FRMD4B: variants seen among roughly 807,000 people sequenced by gnomAD.
The protein encoded by FRMD4B is FERM domain-containing protein 4B.
A neutral mutation model predicts 141.5 loss-of-function variants in FRMD4B; 74 were observed. The ratio of observed to expected loss-of-function variants is 0.52; its 90% CI spans 0.43 to 0.63. The LOEUF is 0.63. FRMD4B is among the 30% of genes least tolerant of loss of function. The probability of loss-of-function intolerance (pLI) is 0.00; values close to 1 mark genes in which losing one functional copy is unlikely to be tolerated. For synonymous variants in FRMD4B, 506 were observed against 467.9 expected (o/e 1.08, Z -1.05); for missense variants, 1,366 against 1,253.4 (o/e 1.09, Z -1.36).
chr3:69,417,772 G>T (rs897053651), intron 2 of FRMD4B, among the ~76,000 whole-genome samples: 8 of 152,182 alleles, frequency 5.3e-5, no homozygotes, highest in Non-Finnish European at 1.2e-4. Context: ...AGTTCTGGAG[G>T]TCAGAAATCC....
chr3:69,407,315 T>C (rs1266764745), intron 2 of FRMD4B, among the ~76,000 whole-genome samples: 1 of 152,164 alleles, frequency 6.6e-6, no homozygotes, highest in African/African-American at 2.4e-5. Flanking sequence ...TGAAGCCACT[T>C]AGTAAAGGCG....
In FRMD4B at chr3:69,171,979, T is replaced by G. The variant is rs1347816300; in HGVS notation, c.2987A>C (p.Gln996Pro). ...VYNPLPSPSRQYTEISQLDGT... is the reference protein window; with the variant it reads ...VYNPLPSPSRPYTEISQLDGT... ...ATCCAGTTGACTGATTTCTGTGTAT[T>G]GTCTATTAAAGAAAACCAGAAAAGT... The change falls in exon 23 of 23, where the codon CAA becomes CCA. Residue 996 changes from glutamine (Q) to proline (P), a missense_variant and splice_region_variant. Transcript: ENST00000398540. 1 of 1,613,250 alleles carries G rather than the reference T, an allele frequency of 6.2e-7. No homozygotes were observed.
rs530279332 is a variant in FRMD4B at position 69,168,969 on chromosome 3, G to A, written c.*2892C>T. On this transcript the variant is annotated 3_prime_UTR_variant, in exon 23 of 23. Transcript: ENST00000398540. Reference sequence around the variant, plus strand: ...TAGATCAGTATGTCTTGATACAGAGGCCCAAGATATATTAGGCAGAAAACA... The same window carrying A: ...TAGATCAGTATGTCTTGATACAGAGACCCAAGATATATTAGGCAGAAAACA... Among the ~76,000 whole-genome samples the A allele has an allele frequency of 6.7e-6, 1 of 148,466 alleles. No homozygotes were observed. Among genetic ancestry groups the A allele is most frequent in the African/African-American group, 2.5e-5 (1 of 40,558 alleles).
rs1406114226 is a variant in FRMD4B, at chr3:69,433,123, G to A, written c.-128-362C>T. On this transcript the variant is annotated intron_variant, in intron 1 of 5. Coordinates refer to the FRMD4B transcript ENST00000459638. The stretch of plus-strand genomic sequence containing the variant: ...ATCAGGGCTGTCAAAGTGGGAGAGA[G>A]AACTCAGTAATACATCCCCTCCGAA... 2.6e-5 allele frequency: 4 copies of A among 152,284 alleles called. No homozygotes were observed. The South Asian group carries it at 8.3e-4, about 32-fold the overall frequency. The allele number at this position is 152,284 out of a possible 1,614,324, so 9.4% of individuals were successfully genotyped here.
intron 9 of FRMD4B, among the ~76,000 whole-genome samples, chr3:69,219,029 G>T (rs1033734589): frequency 4.6e-5 from 7 of 152,020 alleles, no homozygotes; most frequent in African/African-American, 1.7e-4. Flanking sequence ...GCTGGGTGTG[G>T]TGGCGGACAC....
At chr3:69,475,847 C>T (rs1705986697) in intron 1 of FRMD4B, among the ~76,000 whole-genome samples, 1 of 151,748 alleles carries the variant, frequency 6.6e-6, no homozygotes, top group Admixed American at 6.6e-5. Flanking sequence ...TCCTATTTCT[C>T]CACATCCTCT....
At chr3:69,362,213 C>T (rs1034754000) in intron 1 of FRMD4B, among the ~76,000 whole-genome samples, 1 of 152,038 alleles carries the variant, frequency 6.6e-6, no homozygotes, top group African/African-American at 2.4e-5. Flanking sequence ...ACTTTGAGGT[C>T]GGGACTATTA....
chr3:69,476,005 CT>C (rs1705989744), intron 1 of FRMD4B, among the ~76,000 whole-genome samples: 1 of 151,550 alleles, frequency 6.6e-6, no homozygotes, highest in South Asian at 2.1e-4. Flanking sequence ...TAAATGTCTT[CT>C]TTTGAGAACT....
chr3:69,189,654 C>T (rs1202666326), intron 18 of FRMD4B, among the ~76,000 whole-genome samples: 1 of 152,104 alleles, frequency 6.6e-6, no homozygotes, highest in Admixed American at 6.6e-5. Context: ...TTAGATACTC[C>T]CGTGAGGGCA....
chr3:69,484,600 AGAG>A (rs1292594225), intron 1 of FRMD4B, among the ~76,000 whole-genome samples: 1 of 152,098 alleles, frequency 6.6e-6, no homozygotes. Context: ...CTCTCAGCAG[AGAG>A]GAGTCCCTGG....
At chr3:69,267,618 TATATATATATATATATATAGAGAGAGAG>T (rs2093571142) in intron 5 of FRMD4B, among the ~76,000 whole-genome samples, 49 of 56,666 alleles carry the variant, frequency 8.6e-4, no homozygotes, top group South Asian at 2.4e-3. Flanking sequence ...TATATATATA[TATATATATATATATATATAGAGAGAGAG>T]AGAGAGAGAG....
At position 69,325,084 on chromosome 3, in the gene FRMD4B, AAAAAG is replaced by A. The variant is rs563531679; in HGVS notation, c.163-11572_163-11568del. ...ACAGTGAGATACTGTCTAAAAAAAA[AAAAAG>A]AAAGAAAGAAAGAAAGAAAGAAAGA... On this transcript the variant is annotated intron_variant, in intron 1 of 22. Coordinates refer to ENST00000398540, the MANE Select transcript of FRMD4B (RefSeq NM_015123.3). Among the ~76,000 whole-genome samples, 1,114 of 140,324 alleles carry A rather than the reference AAAAAG, an allele frequency of 7.9e-3. 8 individuals carry two copies. The highest frequency in any genetic ancestry group is 0.023 in the African/African-American group (855 of 36,700). 92.1% of individuals were successfully genotyped at this position (140,324 alleles called of 152,430 possible). A position where few individuals can be genotyped will look rare whatever the true frequency, so the allele number is the denominator to read the frequency against.
At chr3:69,439,953 TAGG>T (rs1031964581) in intron 1 of FRMD4B, among the ~76,000 whole-genome samples, 1 of 152,212 alleles carries the variant, frequency 6.6e-6, no homozygotes, top group Non-Finnish European at 1.5e-5. Context: ...TTTTGATTTG[TAGG>T]AGTTCATTAG....
At chr3:69,414,048 A>G (rs1488767722) in intron 2 of FRMD4B, among the ~76,000 whole-genome samples, 1 of 152,214 alleles carries the variant, frequency 6.6e-6, no homozygotes, top group African/African-American at 2.4e-5. Flanking sequence ...AAAGACGTGC[A>G]TATGGCATGT....
intron 2 of FRMD4B, among the ~76,000 whole-genome samples, chr3:69,419,258 A>G (rs1172366869): frequency 6.6e-6 from 1 of 152,204 alleles, no homozygotes; most frequent in East Asian, 1.9e-4. Flanking sequence ...ATGAAGATGA[A>G]TATGGAGAGT....
intron 1 of FRMD4B, among the ~76,000 whole-genome samples, chr3:69,316,714 A>T (rs1169685087): frequency 6.6e-6 from 1 of 152,230 alleles, no homozygotes; most frequent in East Asian, 1.9e-4. Context: ...AAGATATAAA[A>T]AAATAATGCT....
intron 2 of FRMD4B, among the ~76,000 whole-genome samples, chr3:69,426,901 G>A (rs1705088850): frequency 1.3e-5 from 2 of 152,146 alleles, no homozygotes. Context: ...CTCCATACTG[G>A]TACAACAGAG....
At chr3:69,297,937 G>A (rs989837598) in intron 4 of FRMD4B, among the ~76,000 whole-genome samples, 1 of 152,106 alleles carries the variant, frequency 6.6e-6, no homozygotes, top group Non-Finnish European at 1.5e-5. Context: ...GAAGACAAAG[G>A]TTTAATCTTG....
At chr3:69,445,467 C>T (rs1356893967) in intron 1 of FRMD4B, among the ~76,000 whole-genome samples, 4 of 152,164 alleles carry the variant, frequency 2.6e-5, no homozygotes, top group African/African-American at 4.8e-5. Flanking sequence ...ATTCTTCCTC[C>T]GCATCATCCC....
Sources: gnomAD v4.1 joint callset for allele counts (sites outside exome capture counted in the v4.1 genomes callset) on GRCh38, gnomAD v4.1.1 for gene constraint, MANE v1.5 for transcripts, NCBI Gene and HGNC (gene_info 2026-07-23, HGNC 2026-07-21) for gene names.